DLGAP2: variants seen among roughly 807,000 people sequenced by gnomAD.
DLGAP2 encodes the protein disks large-associated protein 2.
A neutral mutation model predicts 100.3 loss-of-function variants in DLGAP2; 26 were observed. That is an observed-to-expected ratio of 0.26 (90% CI 0.19 to 0.36). The LOEUF (loss-of-function observed/expected upper bound fraction) is 0.36, where lower values mean the gene tolerates loss of function less well. DLGAP2 is among the 10% of genes least tolerant of loss of function. DLGAP2 has a pLI of 1.00. For missense variants in DLGAP2, 1,858 were observed against 1,453.2 expected (o/e 1.28, Z -4.53); for synonymous variants, 886 against 630.1 (o/e 1.41, Z -6.08).
intron 8 of DLGAP2, among the ~76,000 whole-genome samples, chr8:1,661,425 G>A (rs1237694896): frequency 1.3e-5 from 2 of 152,202 alleles, no homozygotes; most frequent in Non-Finnish European, 2.9e-5. Flanking sequence ...TGCACAGAAA[G>A]CCAATCACTG....
intron 2 of DLGAP2, among the ~76,000 whole-genome samples, chr8:1,237,266 C>G (rs1271202479): frequency 2.9e-5 from 4 of 138,246 alleles, no homozygotes; most frequent in African/African-American, 1.2e-4. Context: ...GGTGCTATGT[C>G]TAGATCTCTC....
intron 1 of DLGAP2, among the ~76,000 whole-genome samples, chr8:757,546 T>C (rs865999610): frequency 9.9e-5 from 15 of 152,160 alleles, no homozygotes; most frequent in Admixed American, 4.6e-4. Flanking sequence ...ATTTGGGTTT[T>C]CCATTTGGAC....
At chr8:1,310,505 G>A (rs1026909547) in intron 3 of DLGAP2, among the ~76,000 whole-genome samples, 6 of 152,130 alleles carry the variant, frequency 3.9e-5, no homozygotes, top group African/African-American at 1.4e-4. Context: ...GGACGGACAC[G>A]TACAGAAGCA....
Position 1,626,726 on chromosome 8 carries a change from C to T in DLGAP2, c.1443-14C>T, listed in dbSNP as rs778810382. 1.3e-6 allele frequency: 2 copies of T among 1,588,516 alleles called. No homozygotes were observed. The highest frequency in any genetic ancestry group is 1.2e-5 in the South Asian group (1 of 86,560). ...GCTCACAGAATGCCTTTTCTCCTTTCTTCTTTCCTGTAGCCAGACCTACCT... is the reference window on the plus strand; with the variant it reads ...GCTCACAGAATGCCTTTTCTCCTTTTTTCTTTCCTGTAGCCAGACCTACCT... On this transcript the variant is annotated splice_polypyrimidine_tract_variant and intron_variant, in intron 6 of 14. Transcript: ENST00000637795.
chr8:1,316,449 G>A (rs1178603024), intron 3 of DLGAP2, among the ~76,000 whole-genome samples: 2 of 134,442 alleles, frequency 1.5e-5, no homozygotes, highest in Non-Finnish European at 1.6e-5. Flanking sequence ...GTCTACACTC[G>A]AGAAACTCGG....
At chr8:1,472,512 G>T (rs545806208) in intron 3 of DLGAP2, among the ~76,000 whole-genome samples, 1 of 152,192 alleles carries the variant, frequency 6.6e-6, no homozygotes, top group Non-Finnish European at 1.5e-5. Context: ...AAGGGTAGAA[G>T]CAAGGAGATG....
At chr8:952,174 G>A (rs916085247) in intron 2 of DLGAP2, among the ~76,000 whole-genome samples, 4 of 152,128 alleles carry the variant, frequency 2.6e-5, no homozygotes, top group African/African-American at 9.7e-5. Context: ...AAAATAATCC[G>A]ACCCATTTTG....
rs1466280290 is a variant in DLGAP2 at position 1,306,335 on chromosome 8, A to G, written c.106+47452A>G. Among the ~76,000 whole-genome samples, 4 of 152,188 alleles carry G rather than the reference A, an allele frequency of 2.6e-5. 1 individual carries two copies. The highest frequency in any genetic ancestry group is 9.7e-5 in the African/African-American group (4 of 41,448). ...AAAAAGGAAGTAAATAATTGCATTT[A>G]TAATCGTGTCAAAAAAACCCAAAAT... On this transcript the variant is annotated intron_variant, in intron 3 of 14. Coordinates refer to ENST00000637795, the MANE Select transcript of DLGAP2 (RefSeq NM_001346810.2).
chr8:1,295,520 C>T (rs146287620), intron 3 of DLGAP2, among the ~76,000 whole-genome samples: 1 of 152,178 alleles, frequency 6.6e-6, no homozygotes, highest in East Asian at 1.9e-4. Flanking sequence ...CTGGAGCACC[C>T]CAGCCATCCT....
At chr8:1,021,384 G>C (rs1227574333) in intron 2 of DLGAP2, among the ~76,000 whole-genome samples, 1 of 152,188 alleles carries the variant, frequency 6.6e-6, no homozygotes, top group Non-Finnish European at 1.5e-5. Flanking sequence ...GGTGAGAGCA[G>C]AAACCATGAG....
chr8:1,337,259 G>C (rs1229623201), intron 3 of DLGAP2, among the ~76,000 whole-genome samples: 1 of 147,102 alleles, frequency 6.8e-6, no homozygotes, highest in Admixed American at 6.7e-5. Context: ...GATGATGGTG[G>C]TGATGATGAG....
At chr8:1,137,431 A>C (rs560943345) in intron 2 of DLGAP2, 4 of 152,640 alleles carry the variant, frequency 2.6e-5, no homozygotes, top group Non-Finnish European at 5.9e-5. Context: ...GTGCGGCTGC[A>C]GGACACTGTC....
chr8:1,519,287 T>C (rs1800506618), intron 4 of DLGAP2, among the ~76,000 whole-genome samples: 1 of 145,524 alleles, frequency 6.9e-6, no homozygotes, highest in South Asian at 2.4e-4. Flanking sequence ...CCAAAAAGCA[T>C]AGAACCCTTG....
intron 2 of DLGAP2, among the ~76,000 whole-genome samples, chr8:1,094,213 T>C (rs1390335297): frequency 6.6e-6 from 1 of 152,192 alleles, no homozygotes; most frequent in Admixed American, 6.5e-5. Flanking sequence ...GCTGAGACTT[T>C]GGACGGTAGA....
chr8:1,338,012 C>T (rs1158437863), intron 3 of DLGAP2, among the ~76,000 whole-genome samples: 1 of 152,222 alleles, frequency 6.6e-6, no homozygotes, highest in African/African-American at 2.4e-5. Context: ...ACTAGGACGG[C>T]TGTCACTGAA....
chr8:1,640,367 G>T (rs1280750740), intron 8 of DLGAP2, among the ~76,000 whole-genome samples: 1 of 143,784 alleles, frequency 7.0e-6, no homozygotes, highest in African/African-American at 2.8e-5. Context: ...GGTCCTCAGT[G>T]TCAGACCTGC....
At chr8:1,571,069 A>C (rs139219992) in intron 6 of DLGAP2, among the ~76,000 whole-genome samples, 513 of 107,744 alleles carry the variant, frequency 4.8e-3, no homozygotes, top group African/African-American at 0.014. Context: ...GGGGCATCTG[A>C]TGAGATGGGG....
intron 2 of DLGAP2, among the ~76,000 whole-genome samples, chr8:1,225,825 A>T (rs888537240): frequency 6.6e-5 from 10 of 152,218 alleles, no homozygotes. Context: ...ATAAATCAAA[A>T]TTGCTAAGGA....
intron 2 of DLGAP2, among the ~76,000 whole-genome samples, chr8:1,031,949 G>T (rs1451412571): frequency 6.6e-6 from 1 of 152,226 alleles, no homozygotes; most frequent in Non-Finnish European, 1.5e-5. Context: ...GTCTGTCTGG[G>T]GATGTAGGGT....
Sources: gnomAD v4.1 joint callset for allele counts (sites outside exome capture counted in the v4.1 genomes callset) on GRCh38, gnomAD v4.1.1 for gene constraint, MANE v1.5 for transcripts, NCBI Gene and HGNC (gene_info 2026-07-23, HGNC 2026-07-21) for gene names.